The following TRPM3 variants were observed in gnomAD, a reference collection of about 807,000 sequenced individuals.
TRPM3 encodes the protein long transient receptor potential channel 3.
TRPM3 carries 77 observed loss-of-function variants against 181.2 expected under a neutral mutation model. That is an observed-to-expected ratio of 0.42 (90% CI 0.35 to 0.51). TRPM3 has a LOEUF of 0.51. Among genes scored for constraint, TRPM3 ranks in the 20% least tolerant of loss-of-function variants. The pLI, the probability that TRPM3 is intolerant of heterozygous loss-of-function variation, is 0.01. For synonymous variants in TRPM3, 745 were observed against 796.4 expected (o/e 0.94, Z 1.09); for missense variants, 1,759 against 2,196.7 (o/e 0.80, Z 3.98).
intron 5 of TRPM3, among the ~76,000 whole-genome samples, chr9:70,833,789 T>C (rs2094117320): frequency 6.6e-6 from 1 of 152,128 alleles, no homozygotes; most frequent in Non-Finnish European, 1.5e-5. Context: ...CATCTAGAAC[T>C]GTATGTATAC....
chr9:70,972,900 C>T (rs2097261365), intron 1 of TRPM3, among the ~76,000 whole-genome samples: 1 of 152,158 alleles, frequency 6.6e-6, no homozygotes, highest in Non-Finnish European at 1.5e-5. Flanking sequence ...ACATTACCCA[C>T]AATTTCTGCC....
chr9:71,269,360 T>G (rs897616469), intron 1 of TRPM3, among the ~76,000 whole-genome samples: 5 of 106,766 alleles, frequency 4.7e-5, no homozygotes, highest in African/African-American at 1.6e-4. Flanking sequence ...TTTGAGGGAC[T>G]CAGCAGGGGC....
At position 71,060,589 on chromosome 9, in the gene TRPM3, C is replaced by T. The variant is rs144182067; in HGVS notation, c.177+60589G>A. 8.7e-4 allele frequency among the ~76,000 whole-genome samples: 132 copies of T among 152,232 alleles called. No individual in the cohort carries two copies. The East Asian group carries it at 0.023, about 26-fold the overall frequency. On this transcript the variant is annotated intron_variant, in intron 1 of 25. Coordinates refer to ENST00000677713, the MANE Select transcript of TRPM3 (RefSeq NM_001366145.2). Reference sequence around the variant, plus strand: ...ATGTGGAAACCTTTTATTTACTGTGCAATTGTAAGATTCAAAATCACAAGC... The same window carrying T: ...ATGTGGAAACCTTTTATTTACTGTGTAATTGTAAGATTCAAAATCACAAGC...
At position 70,639,147 on chromosome 9, in the gene TRPM3, T is replaced by A; in HGVS notation, c.1494A>T (p.Arg498Ser). 1 of 1,614,020 alleles carries A rather than the reference T, an allele frequency of 6.2e-7. No homozygotes were observed. The highest frequency in any genetic ancestry group is 8.5e-7 in the Non-Finnish European group (1 of 1,179,944). Residue 498 changes from arginine (R) to serine (S), a missense_variant, in exon 11 of 26, where the codon AGA (arginine) becomes AGT (serine). Around this residue, in one of 8 missense-constraint regions of TRPM3, gnomAD observed 737 missense variants for 957.4 expected, o/e 0.77. Coordinates refer to ENST00000677713, the MANE Select transcript of TRPM3 (RefSeq NM_001366145.2). ...CTATGAGTAATTTCACAAAATCCACTCTGTCCAGAACTAAGGCATCCAACA... is the reference window on the plus strand; with the variant it reads ...CTATGAGTAATTTCACAAAATCCACACTGTCCAGAACTAAGGCATCCAACA... ...QAMLDALVLD[R>S]VDFVKLLIEN... is the part of the protein sequence containing the mutation.
At chr9:70,602,825 T>A (rs1354967864) in intron 20 of TRPM3, among the ~76,000 whole-genome samples, 1 of 152,156 alleles carries the variant, frequency 6.6e-6, no homozygotes, top group African/African-American at 2.4e-5. Context: ...CTGTGTTCAG[T>A]TCACCTTGGT....
intron 21 of TRPM3, among the ~76,000 whole-genome samples, chr9:70,594,150 T>C (rs1232840710): frequency 6.7e-6 from 1 of 149,736 alleles, no homozygotes; most frequent in Non-Finnish European, 1.5e-5. Flanking sequence ...GAAAAAGAAA[T>C]GTAGCTAGGT....
At chr9:70,701,778 A>G (rs1176432697) in intron 8 of TRPM3, among the ~76,000 whole-genome samples, 1 of 152,232 alleles carries the variant, frequency 6.6e-6, no homozygotes, top group Non-Finnish European at 1.5e-5. Context: ...ATAACTGCTT[A>G]AGGTAGGAAT....
chr9:71,126,649 A>C (rs1477787632), intron 1 of TRPM3, among the ~76,000 whole-genome samples: 5 of 152,202 alleles, frequency 3.3e-5, no homozygotes, highest in Non-Finnish European at 7.4e-5. Context: ...TCTAAAATAC[A>C]CTAAAATTTA....
At chr9:71,007,744 A>T (rs2097695162) in intron 1 of TRPM3, among the ~76,000 whole-genome samples, 1 of 152,156 alleles carries the variant, frequency 6.6e-6, no homozygotes, top group Admixed American at 6.5e-5. Context: ...AATACAAATG[A>T]ACACAGCAAA....
intron 1 of TRPM3, among the ~76,000 whole-genome samples, chr9:71,246,902 A>C (rs1357667373): frequency 6.6e-6 from 1 of 152,238 alleles, no homozygotes; most frequent in Non-Finnish European, 1.5e-5. Context: ...GATTACTGAA[A>C]GGTTACCTCT....
At chr9:71,301,900 T>C (rs1467402332) in intron 1 of TRPM3, among the ~76,000 whole-genome samples, 1 of 152,160 alleles carries the variant, frequency 6.6e-6, no homozygotes, top group Non-Finnish European at 1.5e-5. Flanking sequence ...TCTATTTCTG[T>C]GGAAACATGG....
intron 1 of TRPM3, among the ~76,000 whole-genome samples, chr9:71,319,368 A>G (rs1375353468): frequency 2.6e-5 from 4 of 152,172 alleles, no homozygotes; most frequent in Non-Finnish European, 5.9e-5. Context: ...ACTGAGAACC[A>G]GTGAAGCCAA....
intron 9 of TRPM3, among the ~76,000 whole-genome samples, chr9:70,659,153 A>G (rs2060771160): frequency 6.6e-6 from 1 of 152,138 alleles, no homozygotes; most frequent in African/African-American, 2.4e-5. Context: ...ATAGGACACA[A>G]CTGGAGAACC....
intron 1 of TRPM3, among the ~76,000 whole-genome samples, chr9:70,893,030 ACTAT>A (rs1300459036): frequency 6.6e-6 from 1 of 152,188 alleles, no homozygotes; most frequent in Non-Finnish European, 1.5e-5. Flanking sequence ...AGCACAAAGC[ACTAT>A]CTATCTACAA....
intron 22 of TRPM3, among the ~76,000 whole-genome samples, chr9:70,581,882 C>T (rs953669244): frequency 9.7e-5 from 14 of 144,612 alleles, no homozygotes; most frequent in Admixed American, 7.5e-4. Context: ...GGGCCAGTCT[C>T]CCTCCCTCCC....
At chr9:71,130,905 G>A (rs1319976968) in intron 1 of TRPM3, among the ~76,000 whole-genome samples, 2 of 152,304 alleles carry the variant, frequency 1.3e-5, no homozygotes, top group East Asian at 1.9e-4. Context: ...TAATGCGTAT[G>A]TTTTTCTTTG....
chr9:70,991,522 T>C (rs1787277807), intron 1 of TRPM3, among the ~76,000 whole-genome samples: 1 of 150,914 alleles, frequency 6.6e-6, no homozygotes. Context: ...TGGATTTCCA[T>C]GCAATTGGTC....
chr9:70,923,649 G>T (rs1413927819), intron 1 of TRPM3, among the ~76,000 whole-genome samples: 1 of 151,876 alleles, frequency 6.6e-6, no homozygotes, highest in Non-Finnish European at 1.5e-5. Flanking sequence ...CTTGCCAGTT[G>T]TCAAATGTGT....
At chr9:71,143,248 T>G (rs367860722) in intron 1 of TRPM3, among the ~76,000 whole-genome samples, 1 of 152,096 alleles carries the variant, frequency 6.6e-6, no homozygotes, top group Non-Finnish European at 1.5e-5. Flanking sequence ...GGTAAACTTG[T>G]GTCATGGGGG....
Sources: allele counts gnomAD v4.1 joint callset (sites outside exome capture counted in the v4.1 genomes callset), GRCh38; gene constraint gnomAD v4.1.1; regional missense constraint gnomAD v4.1.1; transcripts MANE v1.5; gene names NCBI Gene and HGNC (gene_info 2026-07-23, HGNC 2026-07-21).